The following ATP8B4 variants were observed in gnomAD, a reference collection of about 807,000 sequenced individuals.
The protein encoded by ATP8B4 is ATPase phospholipid transporting 8B4 (putative), also known as probable phospholipid-transporting ATPase IM.
ATP8B4 carries 133 observed loss-of-function variants against 145.6 expected under a neutral mutation model. The observed-to-expected ratio is 0.91, with a 90% CI of 0.79 to 1.05. The LOEUF is 1.05. Among genes scored for constraint, ATP8B4 ranks in the 50% least tolerant of loss-of-function variants. The probability of loss-of-function intolerance (pLI) is 0.00; values close to 1 mark genes in which losing one functional copy is unlikely to be tolerated. For synonymous variants in ATP8B4, 507 were observed against 492.9 expected, an observed-to-expected ratio of 1.03 and a Z score of -0.38; for missense variants, 1,458 against 1,425.2, an observed-to-expected ratio of 1.02 and a Z score of -0.37.
chr15:50,030,833 T>G (rs2050379296), intron 6 of ATP8B4, among the ~76,000 whole-genome samples: 1 of 152,232 alleles, frequency 6.6e-6, no homozygotes, highest in Non-Finnish European at 1.5e-5. Flanking sequence ...AAGATGTACC[T>G]CATTTGGAGA....
At chr15:50,164,607 G>T (rs1024868823) in intron 1 of ATP8B4, among the ~76,000 whole-genome samples, 12 of 152,316 alleles carry the variant, frequency 7.9e-5, no homozygotes, top group African/African-American at 2.9e-4. Flanking sequence ...TGCTCCAGCT[G>T]GTGTCTCACC....
intron 25 of ATP8B4, among the ~76,000 whole-genome samples, chr15:49,874,819 G>A (rs1358069051): frequency 6.6e-6 from 1 of 151,888 alleles, no homozygotes; most frequent in Admixed American, 6.6e-5. Flanking sequence ...AGTTTCTGTG[G>A]GCTCTCAACT....
At chr15:50,169,268 T>C (rs1331570694) in intron 1 of ATP8B4, among the ~76,000 whole-genome samples, 2 of 151,270 alleles carry the variant, frequency 1.3e-5, no homozygotes, top group Non-Finnish European at 2.9e-5. Flanking sequence ...AGGACACTCA[T>C]GGAGTCCATT....
intron 2 of ATP8B4, among the ~76,000 whole-genome samples, chr15:50,075,955 G>A (rs1287460761): frequency 1.3e-5 from 2 of 152,286 alleles, no homozygotes; most frequent in Middle Eastern, 3.4e-3. Context: ...GGCTCTTCCT[G>A]CATGGCAAAA....
At chr15:50,159,808 A>G (rs942199111) in intron 1 of ATP8B4, among the ~76,000 whole-genome samples, 2 of 152,166 alleles carry the variant, frequency 1.3e-5, no homozygotes, top group Non-Finnish European at 2.9e-5. Flanking sequence ...CCATCTTTGC[A>G]TCCCTGGAAT....
chr15:50,155,446 A>G (rs1464185275), intron 1 of ATP8B4, among the ~76,000 whole-genome samples: 1 of 152,162 alleles, frequency 6.6e-6, no homozygotes, highest in Non-Finnish European at 1.5e-5. Context: ...CTGTCTGACC[A>G]ATAAACCCAG....
At chr15:50,151,618 G>A (rs2044348187) in intron 1 of ATP8B4, among the ~76,000 whole-genome samples, 1 of 151,950 alleles carries the variant, frequency 6.6e-6, no homozygotes, top group African/African-American at 2.4e-5. Flanking sequence ...TGATGTAGTG[G>A]CACATGCCTG....
upstream of ATP8B4, among the ~76,000 whole-genome samples, chr15:50,122,766 A>G (rs2057281440): frequency 6.6e-6 from 1 of 152,048 alleles, no homozygotes. Flanking sequence ...GCCCACTTGA[A>G]TCTCCTAAAG....
At chr15:50,120,733 A>C (rs947180490), upstream of ATP8B4, among the ~76,000 whole-genome samples, 2 of 152,208 alleles carry the variant, frequency 1.3e-5, no homozygotes, top group Non-Finnish European at 2.9e-5. Flanking sequence ...AAAATGGCTT[A>C]CATATAAGAG....
intron 3 of ATP8B4, among the ~76,000 whole-genome samples, chr15:50,054,235 A>G (rs1218396750): frequency 2.6e-5 from 4 of 152,144 alleles, no homozygotes; most frequent in African/African-American, 7.2e-5. Context: ...CTCATCAGAT[A>G]CTCATAACGG....
chr15:49,911,475 A>G (rs564008696), intron 20 of ATP8B4, among the ~76,000 whole-genome samples: 9 of 152,108 alleles, frequency 5.9e-5, no homozygotes, highest in Non-Finnish European at 8.8e-5. Flanking sequence ...GGATATTACA[A>G]TAAGAGGATA....
At chr15:50,115,402 T>A (rs1390820773) in intron 1 of ATP8B4, among the ~76,000 whole-genome samples, 1 of 151,752 alleles carries the variant, frequency 6.6e-6, no homozygotes, top group African/African-American at 2.4e-5. Flanking sequence ...GAAGGAGGGA[T>A]GGAGAACTAT....
intron 14 of ATP8B4, among the ~76,000 whole-genome samples, chr15:49,946,248 C>A (rs1454816285): frequency 1.3e-5 from 2 of 152,154 alleles, no homozygotes; most frequent in Non-Finnish European, 2.9e-5. Context: ...ACGATCTCAT[C>A]TAAAGTAACA....
intron 21 of ATP8B4, among the ~76,000 whole-genome samples, chr15:49,900,619 C>T (rs976429758): frequency 9.9e-5 from 15 of 152,180 alleles, no homozygotes; most frequent in African/African-American, 3.6e-4. Context: ...CTGTAAAATG[C>T]TGCTATTTAG....
intron 12 of ATP8B4, 136 bp downstream of exon 12, chr15:49,979,481 A>G (rs560276902): frequency 1.1e-4 from 68 of 639,600 alleles, no homozygotes; most frequent in Admixed American, 1.0e-3. Flanking sequence ...AAGCTGTCCC[A>G]TTTGTAACAG....
intron 13 of ATP8B4, among the ~76,000 whole-genome samples, chr15:49,971,997 T>C (rs985292472): frequency 9.2e-5 from 14 of 152,122 alleles, no homozygotes; most frequent in African/African-American, 3.4e-4. Flanking sequence ...CTGGAAACCA[T>C]CATTCTCAGC....
chr15:49,875,895 A>G (rs1340185416), intron 25 of ATP8B4, among the ~76,000 whole-genome samples: 5 of 152,236 alleles, frequency 3.3e-5, no homozygotes, highest in African/African-American at 7.2e-5. Flanking sequence ...CAAACTTTAG[A>G]TCTCACTTTA....
At chr15:49,959,610 T>C (rs571589085) in intron 14 of ATP8B4, among the ~76,000 whole-genome samples, 1 of 152,220 alleles carries the variant, frequency 6.6e-6, no homozygotes, top group South Asian at 2.1e-4. Context: ...AAAGAAAATA[T>C]AGTAAGACAG....
intron 20 of ATP8B4, among the ~76,000 whole-genome samples, chr15:49,913,590 G>A (rs1181491937): frequency 6.6e-6 from 1 of 152,124 alleles, no homozygotes; most frequent in Non-Finnish European, 1.5e-5. Flanking sequence ...GTTCCTGTTT[G>A]CAAGCAACAT....
Sources: gnomAD v4.1 joint callset for allele counts (sites outside exome capture counted in the v4.1 genomes callset) on GRCh38, gnomAD v4.1.1 for gene constraint, MANE v1.5 for transcripts, NCBI Gene and HGNC (gene_info 2026-07-23, HGNC 2026-07-21) for gene names.